The following PIP5K1B variants were observed in gnomAD, a reference collection of about 807,000 sequenced individuals.
PIP5K1B encodes phosphatidylinositol 4-phosphate 5-kinase type-1 beta.
A neutral mutation model predicts 67.0 loss-of-function variants in PIP5K1B; 42 were observed. That is an observed-to-expected ratio of 0.63 (90% CI 0.49 to 0.81). PIP5K1B has a LOEUF of 0.81. PIP5K1B is among the 30% of genes least tolerant of loss of function. The pLI is 0.00. For synonymous variants in PIP5K1B, 214 were observed against 231.4 expected (o/e 0.92, Z 0.68); for missense variants, 459 against 646.3 (o/e 0.71, Z 3.14).
chr9:68,889,083 C>A lies in PIP5K1B; in HGVS notation c.421C>A (p.Gln141Lys), dbSNP rs1347664052. Residue 141 changes from glutamine (Q) to lysine (K), a missense_variant, in exon 7 of 16, where the codon CAG becomes AAG. This residue lies in a region of PIP5K1B where 290 missense variants were observed against 474.4 expected (regional missense o/e 0.61). Transcript: ENST00000265382. ...TGATGAATTTATCATCAAAACAGTTCAGCACAAAGAAGCTGAGTTTCTTCA... is the reference window on the plus strand; with the variant it reads ...TGATGAATTTATCATCAAAACAGTTAAGCACAAAGAAGCTGAGTTTCTTCA... ...SDDEFIIKTV[Q>K]HKEAEFLQKL... The A allele has an allele frequency of 6.2e-7, 1 of 1,613,552 alleles. No homozygotes were observed. Among genetic ancestry groups the A allele is most frequent in the African/African-American group, 1.3e-5 (1 of 74,906 alleles).
chr9:68,784,765 A>G (rs761290039), intron 2 of PIP5K1B, among the ~76,000 whole-genome samples: 1 of 152,196 alleles, frequency 6.6e-6, no homozygotes, highest in African/African-American at 2.4e-5. Context: ...CAGAAGAAAG[A>G]GTTGGCCTTG....
intron 6 of PIP5K1B, among the ~76,000 whole-genome samples, chr9:68,887,428 G>A (rs1291810646): frequency 6.6e-6 from 1 of 152,172 alleles, no homozygotes; most frequent in Admixed American, 6.5e-5. Flanking sequence ...TAGTCTCTGT[G>A]GCTAGAGCTA....
intron 14 of PIP5K1B, among the ~76,000 whole-genome samples, chr9:68,974,059 G>A (rs1829520478): frequency 4.6e-5 from 7 of 152,128 alleles, no homozygotes; most frequent in Admixed American, 4.6e-4. Context: ...TTGTAGAAAT[G>A]GGGTTCCACC....
chr9:68,926,667 G>A (rs1380616725), intron 12 of PIP5K1B, among the ~76,000 whole-genome samples: 1 of 152,088 alleles, frequency 6.6e-6, no homozygotes, highest in African/African-American at 2.4e-5. Context: ...TGCCTCCTGG[G>A]TTCAAGTGAT....
intron 4 of PIP5K1B, chr9:68,824,229 A>C (rs1833872993): frequency 3.9e-6 from 2 of 518,848 alleles, no homozygotes; most frequent in Admixed American, 3.9e-5. Context: ...GGTATTCTCA[A>C]TCAGCATCAA....
intron 2 of PIP5K1B, among the ~76,000 whole-genome samples, chr9:68,743,258 G>C (rs1346679829): frequency 1.3e-5 from 2 of 150,102 alleles, no homozygotes; most frequent in Non-Finnish European, 3.0e-5. Context: ...TCCCAGGCTA[G>C]AGTGGCACAA....
At chr9:68,744,754 TG>T (rs1209789645) in intron 2 of PIP5K1B, among the ~76,000 whole-genome samples, 1 of 152,164 alleles carries the variant, frequency 6.6e-6, no homozygotes, top group Non-Finnish European at 1.5e-5. Context: ...GGCCCTTTTG[TG>T]GGTTCTTTGG....
chr9:68,957,851 A>G (rs1043446799), intron 14 of PIP5K1B, among the ~76,000 whole-genome samples: 8 of 150,948 alleles, frequency 5.3e-5, no homozygotes, highest in African/African-American at 2.0e-4. Context: ...TGACCTTCCT[A>G]GGTTTATTAC....
At chr9:69,006,446 C>T (rs1346139006) in intron 15 of PIP5K1B, among the ~76,000 whole-genome samples, 2 of 152,198 alleles carry the variant, frequency 1.3e-5, no homozygotes, top group African/African-American at 4.8e-5. Context: ...AGATTCCACT[C>T]ACCTCCCGAC....
intron 14 of PIP5K1B, among the ~76,000 whole-genome samples, chr9:68,956,878 C>A (rs1012453103): frequency 6.6e-6 from 1 of 152,086 alleles, no homozygotes; most frequent in Non-Finnish European, 1.5e-5. Context: ...CAGCTGAAGC[C>A]CCCAGCATAG....
At chr9:68,814,787 TC>T (rs1833352425) in intron 2 of PIP5K1B, among the ~76,000 whole-genome samples, 1 of 152,206 alleles carries the variant, frequency 6.6e-6, no homozygotes, top group African/African-American at 2.4e-5. Flanking sequence ...GCCACTTCAC[TC>T]CAGCCTGAGC....
intron 15 of PIP5K1B, among the ~76,000 whole-genome samples, chr9:69,000,583 G>T (rs1298831095): frequency 6.6e-6 from 1 of 152,064 alleles, no homozygotes; most frequent in African/African-American, 2.4e-5. Context: ...GTTTGTAGGT[G>T]GCCTTCATCT....
intron 14 of PIP5K1B, among the ~76,000 whole-genome samples, chr9:68,943,608 A>G (rs969605987): frequency 4.6e-5 from 7 of 152,124 alleles, no homozygotes; most frequent in Non-Finnish European, 1.0e-4. Flanking sequence ...CATCTGGCCA[A>G]CTGAGTTTCA....
chr9:68,963,620 C>T (rs869861), intron 14 of PIP5K1B, among the ~76,000 whole-genome samples: 3,852 of 152,226 alleles, frequency 0.025, 91 homozygotes, highest in Middle Eastern at 0.068. Context: ...AAGGAAGACA[C>T]GTTTGATGTC....
chr9:68,741,083 A>G (rs1312977355), intron 1 of PIP5K1B, among the ~76,000 whole-genome samples: 1 of 152,236 alleles, frequency 6.6e-6, no homozygotes, highest in Admixed American at 6.5e-5. Flanking sequence ...AAGAAAAAAT[A>G]TATCTACTCT....
chr9:68,882,134 ATG>A (rs1463902549), intron 6 of PIP5K1B, among the ~76,000 whole-genome samples: 3 of 152,218 alleles, frequency 2.0e-5, no homozygotes, highest in Non-Finnish European at 4.4e-5. Context: ...GCTTGCACAG[ATG>A]ACAAGTGCCT....
At chr9:68,814,975 C>T (rs1833363673) in intron 2 of PIP5K1B, among the ~76,000 whole-genome samples, 1 of 151,914 alleles carries the variant, frequency 6.6e-6, no homozygotes, top group Non-Finnish European at 1.5e-5. Flanking sequence ...ATTTCTATGG[C>T]CACAGGAAAA....
intron 12 of PIP5K1B, among the ~76,000 whole-genome samples, chr9:68,925,953 A>G (rs1826677399): frequency 1.3e-5 from 2 of 151,254 alleles, no homozygotes; most frequent in African/African-American, 4.9e-5. Flanking sequence ...ATGCATCACC[A>G]CACCCAGCTG....
intron 4 of PIP5K1B, among the ~76,000 whole-genome samples, chr9:68,827,080 A>C (rs947300300): frequency 2.0e-5 from 3 of 152,118 alleles, no homozygotes; most frequent in Non-Finnish European, 4.4e-5. Flanking sequence ...GTGACTGTGC[A>C]TTCTGATTTA....
Sources: allele counts gnomAD v4.1 joint callset (sites outside exome capture counted in the v4.1 genomes callset), GRCh38; gene constraint gnomAD v4.1.1; regional missense constraint gnomAD v4.1.1; transcripts MANE v1.5; gene names NCBI Gene and HGNC (gene_info 2026-07-23, HGNC 2026-07-21).